The following SDK1 variants were observed in gnomAD, a reference collection of about 807,000 sequenced individuals.
SDK1 encodes protein sidekick-1.
In SDK1, 157 loss-of-function variants were observed where a neutral mutation model predicts 245.5. That is an observed-to-expected ratio of 0.64 (90% confidence interval 0.56 to 0.73). The LOEUF is 0.73. Ranked by LOEUF, SDK1 falls within the 30% of genes least tolerant of loss-of-function variation. SDK1 has a pLI of 0.00. For missense variants in SDK1, 3,583 were observed against 3,002.3 expected, an observed-to-expected ratio of 1.19 and a Z score of -4.52; for synonymous variants, 1,647 against 1,278.5, an observed-to-expected ratio of 1.29 and a Z score of -6.15.
intron 1 of SDK1, among the ~76,000 whole-genome samples, chr7:3,556,304 A>G (rs1251234755): frequency 2.0e-5 from 3 of 152,186 alleles, no homozygotes; most frequent in Admixed American, 1.3e-4. Context: ...CAAGCACAGA[A>G]GGACAAACTT....
chr7:3,684,762 G>GA (rs34922402), intron 4 of SDK1, among the ~76,000 whole-genome samples: 1,511 of 149,848 alleles, frequency 0.01, 22 homozygotes, highest in African/African-American at 0.034. Context: ...TGAAATAAAT[G>GA]AAAAAAAAAA....
At chr7:3,453,318 A>C (rs759224542) in intron 1 of SDK1, among the ~76,000 whole-genome samples, 48 of 152,308 alleles carry the variant, frequency 3.2e-4, no homozygotes, top group Non-Finnish European at 6.3e-4. Flanking sequence ...TCCCCTGAAT[A>C]AGTTGCCCTG....
chr7:3,654,734 G>A (rs1022590805), intron 4 of SDK1, among the ~76,000 whole-genome samples: 1 of 152,190 alleles, frequency 6.6e-6, no homozygotes, highest in East Asian at 1.9e-4. Flanking sequence ...ATGGGGGATG[G>A]GGATCGTAGA....
intron 17 of SDK1, among the ~76,000 whole-genome samples, chr7:4,029,577 G>A (rs565737717): frequency 2.6e-5 from 4 of 152,112 alleles, no homozygotes; most frequent in African/African-American, 7.2e-5. Context: ...TAGATAAGAT[G>A]AGAAATATGG....
intron 1 of SDK1, among the ~76,000 whole-genome samples, chr7:3,562,691 G>A (rs762602763): frequency 2.6e-5 from 4 of 152,186 alleles, no homozygotes; most frequent in Non-Finnish European, 5.9e-5. Flanking sequence ...TAAGTGTACT[G>A]TTTGGTGGCA....
chr7:3,831,133 C>T (rs1006481173), intron 5 of SDK1, among the ~76,000 whole-genome samples: 5 of 152,198 alleles, frequency 3.3e-5, no homozygotes, highest in African/African-American at 1.2e-4. Context: ...CAATCTCTGA[C>T]ATACATCCAT....
At chr7:4,174,423 A>C in intron 33 of SDK1, 66 bp downstream of exon 33, 1 of 1,499,872 alleles carries the variant, frequency 6.7e-7, no homozygotes, top group Non-Finnish European at 9.2e-7. Context: ...GTATCTGCTC[A>C]GTGCACATCA....
intron 1 of SDK1, among the ~76,000 whole-genome samples, chr7:3,383,771 A>G (rs1219956901): frequency 3.9e-5 from 6 of 152,248 alleles, no homozygotes; most frequent in African/African-American, 9.6e-5. Context: ...CATAGAGCCT[A>G]TTAAATGCCA....
At chr7:3,419,416 C>G (rs1393993016) in intron 1 of SDK1, among the ~76,000 whole-genome samples, 1 of 152,274 alleles carries the variant, frequency 6.6e-6, no homozygotes, top group African/African-American at 2.4e-5. Context: ...CTCCCTGACA[C>G]TAGAGCACCT....
intron 14 of SDK1, among the ~76,000 whole-genome samples, chr7:3,997,423 C>A (rs1184857395): frequency 1.3e-5 from 2 of 151,918 alleles, no homozygotes; most frequent in African/African-American, 4.8e-5. Context: ...GTGTTATATA[C>A]ACCTCTGCTG....
chr7:3,815,705 G>A (rs1779490974), intron 4 of SDK1, among the ~76,000 whole-genome samples: 1 of 151,918 alleles, frequency 6.6e-6, no homozygotes, highest in Non-Finnish European at 1.5e-5. Flanking sequence ...GTTCCTCCAA[G>A]GATACCCAGG....
rs367616699 is a variant in SDK1 at position 4,233,385 on chromosome 7, C to T, written c.5958C>T (p.Tyr1986=). 63 of 1,613,264 alleles carry T rather than the reference C, an allele frequency of 3.9e-5. No homozygotes were observed. Among genetic ancestry groups the T allele is most frequent in the Middle Eastern group, 1.6e-4 (1 of 6,082 alleles). Residue 1986 remains tyrosine (Y), a synonymous_variant, in exon 41 of 45, where the codon TAC becomes TAT. Coordinates refer to ENST00000404826, the MANE Select transcript of SDK1 (RefSeq NM_152744.4). ...FRVVAVNEAG[Y]GEPSNPSTAV... is the part of the protein sequence containing the mutation. The stretch of plus-strand genomic sequence containing the variant: ...TGGTGGCTGTGAATGAGGCGGGCTA[C>T]GGGGAGCCCAGCAACCCCTCCACGG...
intron 4 of SDK1, among the ~76,000 whole-genome samples, chr7:3,705,421 T>C (rs905054603): frequency 2.1e-5 from 3 of 144,780 alleles, no homozygotes; most frequent in Non-Finnish European, 4.6e-5. Flanking sequence ...AGTATATTCC[T>C]AGTGATTTTA....
intron 1 of SDK1, among the ~76,000 whole-genome samples, chr7:3,328,982 T>A (rs1215908127): frequency 1.3e-5 from 2 of 152,168 alleles, no homozygotes; most frequent in Non-Finnish European, 2.9e-5. Flanking sequence ...ATACTGATAA[T>A]GCTGGATTAC....
chr7:3,820,848 T>C (rs1005228392), intron 4 of SDK1, among the ~76,000 whole-genome samples: 3 of 152,186 alleles, frequency 2.0e-5, no homozygotes, highest in Non-Finnish European at 4.4e-5. Flanking sequence ...GAAGACTGTT[T>C]ACTCATCCTT....
chr7:3,495,868 G>C (rs1208094164), intron 1 of SDK1, among the ~76,000 whole-genome samples: 1 of 152,210 alleles, frequency 6.6e-6, no homozygotes, highest in Admixed American at 6.5e-5. Context: ...AGAGATGCCA[G>C]CGGTCTCCTG....
intron 4 of SDK1, among the ~76,000 whole-genome samples, chr7:3,769,975 C>T (rs1038025194): frequency 5.5e-5 from 8 of 145,416 alleles, no homozygotes; most frequent in African/African-American, 1.0e-4. Context: ...TGTGTATTTA[C>T]GGCTATGTAA....
chr7:3,798,465 C>T (rs1044942767), intron 4 of SDK1, among the ~76,000 whole-genome samples: 3 of 152,138 alleles, frequency 2.0e-5, no homozygotes, highest in Admixed American at 6.5e-5. Context: ...GATCCACCCA[C>T]CTTGGCCTCC....
chr7:3,777,081 G>A (rs1780588476), intron 4 of SDK1, among the ~76,000 whole-genome samples: 1 of 152,116 alleles, frequency 6.6e-6, no homozygotes, highest in South Asian at 2.1e-4. Context: ...AATCTATTTT[G>A]TAACTCATTC....
Sources: gnomAD v4.1 joint callset for allele counts (sites outside exome capture counted in the v4.1 genomes callset) on GRCh38, gnomAD v4.1.1 for gene constraint, MANE v1.5 for transcripts, NCBI Gene and HGNC (gene_info 2026-07-23, HGNC 2026-07-21) for gene names.